Variants in ARMC2 observed in about 807,000 individuals in gnomAD.
ARMC2 encodes the protein armadillo repeat-containing protein 2.
In ARMC2, 67 loss-of-function variants were observed where a neutral mutation model predicts 90.3. The ratio of observed to expected loss-of-function variants is 0.74; its 90% CI spans 0.61 to 0.91. The LOEUF (loss-of-function observed/expected upper bound fraction) is 0.91. Ranked by LOEUF, ARMC2 falls within the 40% of genes least tolerant of loss-of-function variation. The pLI is 0.00. For synonymous variants in ARMC2, 393 were observed against 393.0 expected, an observed-to-expected ratio of 1.00 and a Z score of 0.00; for missense variants, 920 against 1,030.9, an observed-to-expected ratio of 0.89 and a Z score of 1.47.
intron 5 of ARMC2, among the ~76,000 whole-genome samples, chr6:108,886,030 A>G (rs996180851): frequency 6.6e-6 from 1 of 152,170 alleles, no homozygotes; most frequent in East Asian, 1.9e-4. Flanking sequence ...ACCTGCCTTG[A>G]TCCTACACAA....
chr6:108,961,823 T>C, intron 14 of ARMC2, 129 bp downstream of exon 14: 1 of 1,213,862 alleles, frequency 8.2e-7, no homozygotes. Flanking sequence ...AGCCTGATGA[T>C]TCTAAGAAAT....
chr6:109,012,244 CTTTTTTTTTTT>C, the ARMC2 span, among the ~76,000 whole-genome samples: 2 of 138,944 alleles, frequency 1.4e-5, no homozygotes, highest in South Asian at 2.3e-4. Context: ...TTTGATATTT[CTTTTTTTTTTT>C]TTTTTGAGAC....
At chr6:108,972,584 G>C (rs981506070) in intron 17 of ARMC2, among the ~76,000 whole-genome samples, 2 of 152,124 alleles carry the variant, frequency 1.3e-5, no homozygotes, top group African/African-American at 4.8e-5. Flanking sequence ...TTTATTCTGA[G>C]AAATTGTGAT....
chr6:108,969,679 T>A (rs1778622764), intron 17 of ARMC2, among the ~76,000 whole-genome samples: 2 of 152,244 alleles, frequency 1.3e-5, no homozygotes, highest in South Asian at 4.1e-4. Flanking sequence ...TAGGTATATG[T>A]ATACAGAGTC....
chr6:108,944,994 C>T (rs1333615404), intron 12 of ARMC2, among the ~76,000 whole-genome samples: 1 of 152,144 alleles, frequency 6.6e-6, no homozygotes, highest in Non-Finnish European at 1.5e-5. Context: ...TGAGATGAAA[C>T]AGCCTCTCGT....
At chr6:108,922,312 G>A (rs530106519) in intron 10 of ARMC2, among the ~76,000 whole-genome samples, 1 of 151,934 alleles carries the variant, frequency 6.6e-6, no homozygotes, top group Non-Finnish European at 1.5e-5. Context: ...TGTCACTCAG[G>A]TTGGAGTGCG....
At chr6:108,915,593 T>C (rs548208145) in intron 10 of ARMC2, among the ~76,000 whole-genome samples, 1 of 152,276 alleles carries the variant, frequency 6.6e-6, no homozygotes, top group Non-Finnish European at 1.5e-5. Flanking sequence ...ACCCTGAAGA[T>C]TGTGCAGGAT....
chr6:108,927,912 G>C (rs1313536686), intron 10 of ARMC2, among the ~76,000 whole-genome samples, 176 bp from the exon 11 acceptor site: 3 of 152,114 alleles, frequency 2.0e-5, no homozygotes, highest in East Asian at 3.8e-4. Flanking sequence ...GGCTTTCTTT[G>C]TTTTCATTTG....
chr6:108,996,974 C>T, the ARMC2 span, among the ~76,000 whole-genome samples: 9 of 150,530 alleles, frequency 6.0e-5, no homozygotes, highest in Non-Finnish European at 1.3e-4. Context: ...AACTATATAA[C>T]ATTCTGGAAA....
the ARMC2 span, among the ~76,000 whole-genome samples, chr6:109,032,709 C>T: frequency 6.6e-6 from 1 of 152,086 alleles, no homozygotes; most frequent in Non-Finnish European, 1.5e-5. Context: ...GGAAGATGGC[C>T]TCTTGTCTCA....
intron 8 of ARMC2, among the ~76,000 whole-genome samples, chr6:108,908,221 C>T (rs1417661638): frequency 6.6e-6 from 1 of 152,176 alleles, no homozygotes. Flanking sequence ...GGCACGCACT[C>T]CTCAAGTGCA....
At chr6:108,972,316 G>T (rs1778817128) in intron 17 of ARMC2, among the ~76,000 whole-genome samples, 1 of 152,158 alleles carries the variant, frequency 6.6e-6, no homozygotes, top group Admixed American at 6.5e-5. Context: ...GCTCACTTGG[G>T]ATTCTAATAC....
the ARMC2 span, among the ~76,000 whole-genome samples, chr6:109,012,950 C>T: frequency 6.7e-6 from 1 of 150,162 alleles, no homozygotes; most frequent in African/African-American, 2.4e-5. Context: ...CCCGTCTCTA[C>T]TGAAAATACA....
intron 17 of ARMC2, among the ~76,000 whole-genome samples, chr6:108,972,594 TCTGA>T (rs772432050): frequency 6.6e-5 from 10 of 152,222 alleles, no homozygotes; most frequent in East Asian, 1.9e-4. Context: ...GAAATTGTGA[TCTGA>T]CTTTTAGATA....
At chr6:108,966,768 T>C (rs1484630814) in intron 17 of ARMC2, among the ~76,000 whole-genome samples, 1 of 151,784 alleles carries the variant, frequency 6.6e-6, no homozygotes, top group African/African-American at 2.4e-5. Flanking sequence ...AGCTGTGGAG[T>C]TAAAACCCAA....
At chr6:108,915,055 C>T (rs1328726967) in intron 10 of ARMC2, among the ~76,000 whole-genome samples, 5 of 151,760 alleles carry the variant, frequency 3.3e-5, no homozygotes, top group Non-Finnish European at 5.9e-5. Flanking sequence ...CAGGTTCAAG[C>T]GATTCTCCTG....
the ARMC2 span, chr6:108,986,522 A>C: frequency 3.9e-5 from 6 of 152,690 alleles, no homozygotes; most frequent in Non-Finnish European, 8.8e-5. Context: ...CAGAATACAA[A>C]GTACTTAATA....
chr6:108,997,488 T>G, the ARMC2 span, among the ~76,000 whole-genome samples: 2 of 152,138 alleles, frequency 1.3e-5, no homozygotes, highest in African/African-American at 4.8e-5. Flanking sequence ...CTTGGGAAAA[T>G]TATTCTTTCT....
chr6:109,052,134 A>AT, the ARMC2 span, among the ~76,000 whole-genome samples: 1 of 152,218 alleles, frequency 6.6e-6, no homozygotes, highest in Non-Finnish European at 1.5e-5. Flanking sequence ...CTGCAAATAC[A>AT]TCAAAATGAA....
Sources: allele counts gnomAD v4.1 joint callset (sites outside exome capture counted in the v4.1 genomes callset), GRCh38; gene constraint gnomAD v4.1.1; transcripts MANE v1.5; gene names NCBI Gene and HGNC (gene_info 2026-07-23, HGNC 2026-07-21).